MAP2K5: variants seen among roughly 807,000 people sequenced by gnomAD.
MAP2K5 encodes mitogen-activated protein kinase kinase 5.
Under a neutral mutation model 83.1 loss-of-function variants are expected in MAP2K5, and 49 were observed. That is an observed-to-expected ratio of 0.59 (90% confidence interval 0.47 to 0.75). MAP2K5 has a LOEUF of 0.75. Among genes scored for constraint, MAP2K5 ranks in the 30% least tolerant of loss-of-function variants. MAP2K5 has a pLI of 0.00. For synonymous variants in MAP2K5, 202 were observed against 191.8 expected, an observed-to-expected ratio of 1.05 and a Z score of -0.44; for missense variants, 457 against 557.5, an observed-to-expected ratio of 0.82 and a Z score of 1.82.
chr15:67,639,312 GC>G (rs1204618196), intron 9 of MAP2K5, among the ~76,000 whole-genome samples: 5 of 152,126 alleles, frequency 3.3e-5, no homozygotes, highest in Non-Finnish European at 7.3e-5. Context: ...ATGTATACCA[GC>G]TTTTGAATTG....
In MAP2K5 at chr15:67,768,690, C is replaced by T. The variant is rs145554592; in HGVS notation, c.1135-912C>T. ...AAATGAGAATAGATGAGAATGGAGT[C>T]ATTTGCAGCTGCCTACTTTATGTGG... On this transcript the variant is annotated intron_variant, in intron 19 of 21. Transcript: ENST00000178640. This position sits in a 1 kb window ranked among gnomAD's most constrained non-coding sequence, Gnocchi z 4.0. Among the ~76,000 whole-genome samples, 24 of 152,316 alleles carry T rather than the reference C, an allele frequency of 1.6e-4. No homozygotes were observed. The highest frequency in any genetic ancestry group is 5.8e-4 in the African/African-American group (24 of 41,576).
At chr15:67,797,776 G>A (rs1338518802) in intron 21 of MAP2K5, among the ~76,000 whole-genome samples, 1 of 151,994 alleles carries the variant, frequency 6.6e-6, no homozygotes, top group Non-Finnish European at 1.5e-5. Context: ...TCTGCCTCCT[G>A]GGTTCAAGCA....
chr15:67,720,260 A>G lies in MAP2K5; in HGVS notation c.1045-7656A>G, dbSNP rs1409822245. ...CACAAACATAAACACACGCATATAT[A>G]TACACACACATATGCTTATATATAC... is the stretch of plus-strand genomic sequence containing the variant. On this transcript the variant is annotated intron_variant, in intron 16 of 21. Coordinates refer to ENST00000178640, the MANE Select transcript of MAP2K5 (RefSeq NM_145160.3). This position sits in a 1 kb window ranked among gnomAD's most constrained non-coding sequence, Gnocchi z 5.7. Among the ~76,000 whole-genome samples the G allele has an allele frequency of 6.6e-6, 1 of 152,132 alleles. No homozygotes were observed. Among genetic ancestry groups the G allele is most frequent in the Non-Finnish European group, 1.5e-5 (1 of 68,038 alleles).
chr15:67,703,252 C>G, intron 15 of MAP2K5, 85 bp from the exon 16 acceptor site: 1 of 964,442 alleles, frequency 1.0e-6, no homozygotes, highest in Non-Finnish European at 1.7e-6. Flanking sequence ...TTGGTGGCTC[C>G]TCACCTTAGC....
chr15:67,619,245 A>G (rs1290230370), intron 8 of MAP2K5, among the ~76,000 whole-genome samples: 1 of 152,090 alleles, frequency 6.6e-6, no homozygotes, highest in Non-Finnish European at 1.5e-5. Context: ...CTAATATCAA[A>G]TAGCATGTCC....
rs190026957 is a variant in MAP2K5, at chr15:67,738,333, C to A, written c.1075-9898C>A. Among the ~76,000 whole-genome samples, 339 of 152,340 alleles carry A rather than the reference C, an allele frequency of 2.2e-3. 8 individuals carry two copies. Among genetic ancestry groups the A allele is most frequent in the Admixed American group, 0.021 (314 of 15,306 alleles). On this transcript the variant is annotated intron_variant, in intron 17 of 21. Coordinates refer to ENST00000178640, the MANE Select transcript of MAP2K5 (RefSeq NM_145160.3). This position sits in a 1 kb window ranked among gnomAD's most constrained non-coding sequence, Gnocchi z 4.1. The stretch of plus-strand genomic sequence containing the variant: ...GGCCTAGTTGGTAAAATCCTTTAAT[C>A]AAAAGAAAGTTCCTGGCCAAAGGCC...
At chr15:67,632,606 A>G (rs965549992) in intron 9 of MAP2K5, among the ~76,000 whole-genome samples, 9 of 152,136 alleles carry the variant, frequency 5.9e-5, no homozygotes, top group African/African-American at 2.2e-4. Context: ...ACTTACTAAC[A>G]TTGCTCATCC....
intron 7 of MAP2K5, among the ~76,000 whole-genome samples, chr15:67,595,938 A>G (rs1487554103): frequency 1.3e-5 from 2 of 151,500 alleles, no homozygotes; most frequent in Admixed American, 1.3e-4. Flanking sequence ...CTCCAAAGAT[A>G]TGTGAGTTTG....
At chr15:67,729,398 A>G (rs1043891326) in intron 17 of MAP2K5, among the ~76,000 whole-genome samples, 34 of 152,210 alleles carry the variant, frequency 2.2e-4, no homozygotes, top group Non-Finnish European at 2.9e-5. Context: ...AAAGGTTGAG[A>G]ATGTAGCAAT....
At chr15:67,767,230 G>A (rs945466920) in intron 19 of MAP2K5, among the ~76,000 whole-genome samples, 4 of 152,058 alleles carry the variant, frequency 2.6e-5, no homozygotes, top group African/African-American at 7.2e-5. Context: ...TTTCTCATCC[G>A]TTTTTAAATG....
intron 21 of MAP2K5, 135 bp from the exon 22 acceptor site, chr15:67,806,511 C>A: frequency 1.4e-6 from 1 of 728,844 alleles, no homozygotes; most frequent in Non-Finnish European, 2.2e-6. Flanking sequence ...TGAAATGGAG[C>A]TGATAGCCTC....
At chr15:67,700,401 T>G (rs2088384642) in intron 15 of MAP2K5, among the ~76,000 whole-genome samples, 1 of 152,256 alleles carries the variant, frequency 6.6e-6, no homozygotes, top group African/African-American at 2.4e-5. Context: ...GTCATGTTTT[T>G]CCTATTATTT....
In MAP2K5 at chr15:67,773,467, T is replaced by C. The variant is rs191254038; in HGVS notation, c.1242+715T>C. Among the ~76,000 whole-genome samples the C allele has an allele frequency of 3.1e-3, 479 of 152,342 alleles. 15 individuals are homozygous for C. Among genetic ancestry groups the C allele is most frequent in the East Asian group, 7.7e-4 (4 of 5,192 alleles). ...TTGCATACCATTCCCTGCCTTTAGATTACTACAGTCAGAGCAAATTCCTAC... is the reference window on the plus strand; with the variant it reads ...TTGCATACCATTCCCTGCCTTTAGACTACTACAGTCAGAGCAAATTCCTAC... On this transcript the variant is annotated intron_variant, in intron 21 of 21. Coordinates refer to ENST00000178640, the MANE Select transcript of MAP2K5 (RefSeq NM_145160.3).
intron 13 of MAP2K5, among the ~76,000 whole-genome samples, chr15:67,667,243 T>A (rs1405736979): frequency 6.6e-6 from 1 of 152,228 alleles, no homozygotes; most frequent in African/African-American, 2.4e-5. Context: ...AATTTTCTTC[T>A]TGATTAAAAA....
At chr15:67,646,733 A>G (rs551388490) in intron 11 of MAP2K5, among the ~76,000 whole-genome samples, 1 of 152,208 alleles carries the variant, frequency 6.6e-6, no homozygotes, top group South Asian at 2.1e-4. Context: ...TGGTGGTTTG[A>G]TATTTGATTC....
At position 67,549,186 on chromosome 15, in the gene MAP2K5, G is replaced by A. The variant is rs922808025; in HGVS notation, c.136-848G>A. 6 of 1,535,530 alleles carry A rather than the reference G, an allele frequency of 3.9e-6. No homozygotes were observed. In the African/African-American group the frequency reaches 8.2e-5, roughly 21 times the overall value. On this transcript the variant is annotated intron_variant, in intron 1 of 21. Transcript: ENST00000178640. ...CCATTGGAGTTGGACTGGACATGAT[G>A]GAGGGTCACTTTCCCCAGAGCGTAG...
In MAP2K5 at chr15:67,587,370, C is replaced by G. The variant is rs2085311894; in HGVS notation, c.431+457C>G. ...ATGTTTGAATTTTCCTTTTGGTGCACTGGCTAGCAGTTAGAGGGCTTTTAG... is the reference window on the plus strand; with the variant it reads ...ATGTTTGAATTTTCCTTTTGGTGCAGTGGCTAGCAGTTAGAGGGCTTTTAG... On this transcript the variant is annotated intron_variant, in intron 6 of 21. Coordinates refer to ENST00000178640, the MANE Select transcript of MAP2K5 (RefSeq NM_145160.3). This position sits in a 1 kb window ranked among gnomAD's most constrained non-coding sequence, Gnocchi z 4.8. Among the ~76,000 whole-genome samples the G allele has an allele frequency of 1.3e-5, 2 of 152,140 alleles. No homozygotes were observed. Among genetic ancestry groups the G allele is most frequent in the Admixed American group, 1.3e-4 (2 of 15,278 alleles).
chr15:67,550,211 TA>T (rs2084480795), intron 2 of MAP2K5, 129 bp downstream of exon 2: 1 of 623,178 alleles, frequency 1.6e-6, no homozygotes, highest in East Asian at 2.8e-5. Context: ...TACATTTAAA[TA>T]TTTATAAATT....
rs1220481654 is a variant in MAP2K5 at position 67,676,576 on chromosome 15, A to G, written c.847+11931A>G. Among the ~76,000 whole-genome samples the G allele has an allele frequency of 6.6e-6, 1 of 152,168 alleles. No homozygotes were observed. The highest frequency in any genetic ancestry group is 1.5e-5 in the Non-Finnish European group (1 of 68,030). On this transcript the variant is annotated intron_variant, in intron 13 of 21. Coordinates refer to ENST00000178640, the MANE Select transcript of MAP2K5 (RefSeq NM_145160.3). The surrounding 1 kb of genome is among the most constrained non-coding windows in gnomAD (Gnocchi z 4.8). The stretch of plus-strand genomic sequence containing the variant: ...TCTACTCTTTTGCTGGTGGAAGATT[A>G]AGTTCCTTCTGGATTGGGTACAATC...
Sources: allele counts gnomAD v4.1 joint callset (sites outside exome capture counted in the v4.1 genomes callset), GRCh38; gene constraint gnomAD v4.1.1; non-coding constraint Gnocchi (gnomAD v3.1); transcripts MANE v1.5; gene names NCBI Gene and HGNC (gene_info 2026-07-23, HGNC 2026-07-21).